The following GRXCR1 variants were observed in gnomAD, a reference collection of about 807,000 sequenced individuals.
The protein encoded by GRXCR1 is glutaredoxin and cysteine rich domain containing 1, also known as glutaredoxin domain-containing cysteine-rich protein 1.
Under a neutral mutation model 27.3 loss-of-function variants are expected in GRXCR1, and 27 were observed. The ratio of observed to expected loss-of-function variants is 0.99; its 90% confidence interval spans 0.73 to 1.37. The LOEUF (loss-of-function observed/expected upper bound fraction) is 1.37. Among genes scored for constraint, GRXCR1 ranks in the 40% most tolerant of loss-of-function variants. The pLI is 0.00. For missense variants in GRXCR1, 379 were observed against 354.4 expected, an observed-to-expected ratio of 1.07 and a Z score of -0.56; for synonymous variants, 122 against 131.1, an observed-to-expected ratio of 0.93 and a Z score of 0.47.
intron 1 of GRXCR1, among the ~76,000 whole-genome samples, chr4:42,919,265 T>G (rs1560649151): frequency 6.6e-6 from 1 of 152,134 alleles, no homozygotes; most frequent in Non-Finnish European, 1.5e-5. Flanking sequence ...CTCGTCTTTA[T>G]TATGTCCCTA....
At chr4:42,952,751 C>A (rs917225937) in intron 1 of GRXCR1, among the ~76,000 whole-genome samples, 3 of 152,084 alleles carry the variant, frequency 2.0e-5, no homozygotes, top group African/African-American at 2.4e-5. Context: ...TCCAAAGGAG[C>A]AGTTGATCAG....
At chr4:42,933,123 G>T (rs750705515) in intron 1 of GRXCR1, among the ~76,000 whole-genome samples, 4 of 151,900 alleles carry the variant, frequency 2.6e-5, no homozygotes, top group Non-Finnish European at 5.9e-5. Flanking sequence ...ATGGCATGGT[G>T]AGAAATTACT....
chr4:43,026,936 C>T (rs1325091124), intron 3 of GRXCR1, among the ~76,000 whole-genome samples: 1 of 152,146 alleles, frequency 6.6e-6, no homozygotes, highest in Non-Finnish European at 1.5e-5. Flanking sequence ...CAGCACTATT[C>T]TCCAAGACAA....
At chr4:42,973,854 A>G (rs1432830249) in intron 2 of GRXCR1, among the ~76,000 whole-genome samples, 3 of 152,190 alleles carry the variant, frequency 2.0e-5, no homozygotes, top group Admixed American at 2.0e-4. Context: ...GAGATGAAGC[A>G]TAAAAACTCA....
chr4:43,024,432 T>C (rs1713191084), intron 3 of GRXCR1, among the ~76,000 whole-genome samples: 1 of 151,784 alleles, frequency 6.6e-6, no homozygotes, highest in Non-Finnish European at 1.5e-5. Flanking sequence ...GGAAAGGGGG[T>C]GGCCATAGCC....
intron 1 of GRXCR1, among the ~76,000 whole-genome samples, chr4:42,943,593 G>A (rs530846399): frequency 2.0e-5 from 3 of 152,018 alleles, no homozygotes; most frequent in South Asian, 4.2e-4. Context: ...TCTAGAGCAC[G>A]GAAAACAACT....
At chr4:43,028,231 A>G (rs1713318305) in intron 3 of GRXCR1, among the ~76,000 whole-genome samples, 1 of 152,234 alleles carries the variant, frequency 6.6e-6, no homozygotes, top group Non-Finnish European at 1.5e-5. Context: ...GCCAGATACA[A>G]TGCAGGATGC....
At chr4:42,989,353 A>G (rs1009529750) in intron 2 of GRXCR1, among the ~76,000 whole-genome samples, 3 of 152,014 alleles carry the variant, frequency 2.0e-5, no homozygotes, top group Admixed American at 6.5e-5. Flanking sequence ...CACTAATCCT[A>G]TTGGATTAGG....
chr4:42,967,021 T>G (rs931637590), intron 2 of GRXCR1, among the ~76,000 whole-genome samples: 1 of 152,070 alleles, frequency 6.6e-6, no homozygotes, highest in African/African-American at 2.4e-5. Flanking sequence ...CAATGTCTCT[T>G]AAGAGCAAAA....
At chr4:42,959,777 G>C (rs1748089985) in intron 1 of GRXCR1, among the ~76,000 whole-genome samples, 1 of 151,816 alleles carries the variant, frequency 6.6e-6, no homozygotes, top group Non-Finnish European at 1.5e-5. Flanking sequence ...TATCTAACTA[G>C]CTCTAGAACT....
At chr4:43,011,147 A>C (rs937669110) in intron 2 of GRXCR1, among the ~76,000 whole-genome samples, 2 of 152,154 alleles carry the variant, frequency 1.3e-5, no homozygotes, top group Non-Finnish European at 2.9e-5. Flanking sequence ...ACACATAATA[A>C]ATAGACTCAA....
At chr4:42,936,792 A>G (rs890676589) in intron 1 of GRXCR1, among the ~76,000 whole-genome samples, 2 of 151,960 alleles carry the variant, frequency 1.3e-5, no homozygotes, top group African/African-American at 2.4e-5. Context: ...TTTTCTCCAC[A>G]ATTAGATTAT....
intron 2 of GRXCR1, among the ~76,000 whole-genome samples, chr4:42,974,159 T>C (rs1199956285): frequency 1.3e-5 from 2 of 152,044 alleles, no homozygotes; most frequent in African/African-American, 4.8e-5. Flanking sequence ...TCCATCTCCT[T>C]GAGGAGTTCT....
chr4:42,928,431 T>C (rs1348103057), intron 1 of GRXCR1, among the ~76,000 whole-genome samples: 2 of 151,996 alleles, frequency 1.3e-5, no homozygotes, highest in East Asian at 3.9e-4. Context: ...GAGGCAATGG[T>C]CTTCTGCCTC....
At chr4:42,983,501 C>T (rs1243896776) in intron 2 of GRXCR1, among the ~76,000 whole-genome samples, 1 of 151,466 alleles carries the variant, frequency 6.6e-6, no homozygotes, top group Admixed American at 6.6e-5. Flanking sequence ...ATGCCTCCAG[C>T]TTTGTTCTTT....
chr4:42,992,986 TC>T (rs1368946510), intron 2 of GRXCR1, among the ~76,000 whole-genome samples: 1 of 152,102 alleles, frequency 6.6e-6, no homozygotes, highest in African/African-American at 2.4e-5. Flanking sequence ...TTTCCCCCCT[TC>T]CTTCTTTAGC....
At chr4:42,911,206 G>T (rs2109744907) in intron 1 of GRXCR1, among the ~76,000 whole-genome samples, 1 of 152,126 alleles carries the variant, frequency 6.6e-6, no homozygotes, top group Non-Finnish European at 1.5e-5. Context: ...TGGCTAAGCT[G>T]GTATATTACA....
At chr4:42,946,713 A>G (rs1359757205) in intron 1 of GRXCR1, among the ~76,000 whole-genome samples, 1 of 152,140 alleles carries the variant, frequency 6.6e-6, no homozygotes, top group Non-Finnish European at 1.5e-5. Flanking sequence ...TTATAAAGGC[A>G]CTAATCCCAT....
At chr4:42,944,755 A>G (rs1747703716) in intron 1 of GRXCR1, among the ~76,000 whole-genome samples, 1 of 152,136 alleles carries the variant, frequency 6.6e-6, no homozygotes, top group Non-Finnish European at 1.5e-5. Context: ...ATTCTGTGCA[A>G]GTCCAGGTGC....
Sources: allele counts gnomAD v4.1 joint callset (sites outside exome capture counted in the v4.1 genomes callset), GRCh38; gene constraint gnomAD v4.1.1; transcripts MANE v1.5; gene names NCBI Gene and HGNC (gene_info 2026-07-23, HGNC 2026-07-21).